LAMA3: variants seen among roughly 807,000 people sequenced by gnomAD.
LAMA3 encodes laminin subunit alpha 3.
LAMA3 carries 281 observed loss-of-function variants against 402.0 expected under a neutral mutation model. The ratio of observed to expected loss-of-function variants is 0.70; its 90% CI spans 0.63 to 0.77. The LOEUF is 0.77. Ranked by LOEUF, LAMA3 falls within the 30% of genes least tolerant of loss-of-function variation. The probability of loss-of-function intolerance (pLI) is 0.00; values close to 1 mark genes in which losing one functional copy is unlikely to be tolerated. For missense variants in LAMA3, 3,840 were observed against 4,215.5 expected, an observed-to-expected ratio of 0.91 and a Z score of 2.47; for synonymous variants, 1,431 against 1,558.4, an observed-to-expected ratio of 0.92 and a Z score of 1.93.
At chr18:23,930,349 G>A (rs1208243493) in intron 64 of LAMA3, among the ~76,000 whole-genome samples, 1 of 152,162 alleles carries the variant, frequency 6.6e-6, no homozygotes, top group Non-Finnish European at 1.5e-5. Context: ...AGAAATCATT[G>A]TAATATTCTT....
intron 23 of LAMA3, 43 bp downstream of exon 23, chr18:23,827,510 C>T (rs766327260): frequency 6.2e-7 from 1 of 1,601,072 alleles, no homozygotes; most frequent in Non-Finnish European, 8.5e-7. Context: ...TTACTACCTC[C>T]CCATCTGTAT....
In LAMA3 at chr18:23,912,863, G is replaced by A; in HGVS notation, c.7311G>A (p.Met2437Ile). ...ENGGTENMFV[M>I]YLGNKDASRD... ...GGGGTACTGAGAATATGTTTGTGAT[G>A]TACCTTGGAAATAAAGATGTAAGTA... is the stretch of plus-strand genomic sequence containing the variant. The change falls in exon 56 of 75, where the codon ATG becomes ATA. Residue 2437 changes from methionine (M) to isoleucine (I), a missense_variant. Met to Ile is a conservative substitution (Grantham distance 10). Coordinates refer to ENST00000313654, the MANE Select transcript of LAMA3 (RefSeq NM_198129.4). 6.2e-7 allele frequency: 1 copy of A among 1,613,890 alleles called. No individual in the cohort carries two copies. Among genetic ancestry groups the A allele is most frequent in the Non-Finnish European group, 8.5e-7 (1 of 1,179,816 alleles).
At chr18:23,702,810 C>T (rs1357481587) in intron 1 of LAMA3, among the ~76,000 whole-genome samples, 1 of 152,198 alleles carries the variant, frequency 6.6e-6, no homozygotes. Context: ...CTCTTGTCTT[C>T]CCTTCTCCAG....
At chr18:23,787,448 C>T (rs938589782) in intron 12 of LAMA3, among the ~76,000 whole-genome samples, 1 of 152,110 alleles carries the variant, frequency 6.6e-6, no homozygotes, top group Non-Finnish European at 1.5e-5. Flanking sequence ...GCCATCTATA[C>T]AGCTAAGAAG....
At chr18:23,775,667 G>C in intron 9 of LAMA3, 125 bp from the exon 10 acceptor site, 2 of 1,060,368 alleles carry the variant, frequency 1.9e-6, no homozygotes, top group South Asian at 2.7e-5. Context: ...AATAGGCTGT[G>C]CCCTTTCAAG....
At chr18:23,870,421 C>A (rs2064484372) in intron 37 of LAMA3, among the ~76,000 whole-genome samples, 1 of 152,170 alleles carries the variant, frequency 6.6e-6, no homozygotes, top group African/African-American at 2.4e-5. Flanking sequence ...TGTGGAAACA[C>A]TGTGGAAATA....
chr18:23,902,975 T>C (rs2081123600), intron 48 of LAMA3, 34 bp from the exon 49 acceptor site: 1 of 1,268,958 alleles, frequency 7.9e-7, no homozygotes, highest in South Asian at 1.2e-5. Context: ...TAATATATCA[T>C]AGAGCTCAAG....
chr18:23,886,625 GA>G (rs531862817), intron 41 of LAMA3, among the ~76,000 whole-genome samples: 52 of 145,904 alleles, frequency 3.6e-4, no homozygotes, highest in Non-Finnish European at 5.6e-4. Flanking sequence ...CTGGGCAACA[GA>G]AAAAAAAAAG....
At chr18:23,805,308 A>C (rs932857561) in intron 12 of LAMA3, among the ~76,000 whole-genome samples, 6 of 152,192 alleles carry the variant, frequency 3.9e-5, no homozygotes, top group Non-Finnish European at 8.8e-5. Context: ...GGCCAAATAG[A>C]TGAATCGAAT....
At position 23,846,169 on chromosome 18, in the gene LAMA3, C is replaced by T. The variant is rs978839363; in HGVS notation, c.3720-128C>T. 6 of 966,858 alleles carry T rather than the reference C, an allele frequency of 6.2e-6. No individual in the cohort carries two copies. The African/African-American group carries it at 8.0e-5, about 13-fold the overall frequency. The allele number at this position is 966,858 out of a possible 1,614,324, so 59.9% of individuals were successfully genotyped here. A position where few individuals can be genotyped will look rare whatever the true frequency, so the allele number is the denominator to read the frequency against. On this transcript the variant is annotated intron_variant, in intron 30 of 74. Transcript: ENST00000313654. ...CTGAGGTGGGGTATTTCCCACTCTT[C>T]CCTGACTCCAGAACCATGAGCCCGT...
intron 1 of LAMA3, among the ~76,000 whole-genome samples, chr18:23,699,223 A>G (rs139096886): frequency 6.6e-6 from 1 of 152,346 alleles, no homozygotes; most frequent in East Asian, 1.9e-4. Context: ...AGAAAGCCAC[A>G]TGACTGTTGT....
Position 23,882,352 on chromosome 18 carries a change from G to A in LAMA3, c.5222+307G>A, listed in dbSNP as rs569877244. ...ATACAAGAAAACAAATGAATAGGCC[G>A]GGTGTGGTGGCTCATGCCTGTAATC... On this transcript the variant is annotated intron_variant, in intron 40 of 74. Transcript: ENST00000313654. 9.2e-5 allele frequency among the ~76,000 whole-genome samples: 14 copies of A among 152,054 alleles called. No individual in the cohort carries two copies. The South Asian group carries it at 2.1e-3, about 23-fold the overall frequency.
intron 38 of LAMA3, chr18:23,873,251 A>G: frequency 6.5e-7 from 1 of 1,547,606 alleles, no homozygotes; most frequent in Non-Finnish European, 8.9e-7. Flanking sequence ...GTGATAGGGA[A>G]GAGTTTCCAG....
At chr18:23,801,683 T>C (rs2062868597) in intron 12 of LAMA3, among the ~76,000 whole-genome samples, 2 of 152,250 alleles carry the variant, frequency 1.3e-5, no homozygotes, top group South Asian at 4.1e-4. Flanking sequence ...TAGTTTCCTT[T>C]TCTTCACATC....
chr18:23,939,059 G>T lies in LAMA3; in HGVS notation c.8863-164G>T, dbSNP rs546499242. Among the ~76,000 whole-genome samples the T allele has an allele frequency of 3.3e-5, 5 of 152,290 alleles. No individual in the cohort carries two copies. The South Asian group carries it at 8.3e-4, about 25-fold the overall frequency. On this transcript the variant is annotated intron_variant, in intron 67 of 74. Transcript: ENST00000313654. The stretch of plus-strand genomic sequence containing the variant: ...CTCCATACCAGTCAGTGACCCGCAG[G>T]AAGGGCTCTCAGCGGAAACTTCCCA...
intron 35 of LAMA3, 32 bp from the exon 36 acceptor site, chr18:23,864,753 T>G: frequency 7.5e-7 from 1 of 1,334,426 alleles, no homozygotes; most frequent in Non-Finnish European, 1.1e-6. Context: ...CTTTTAATGC[T>G]TGTGCTATTG....
At chr18:23,826,912 G>A (rs911262990) in intron 22 of LAMA3, 113 bp downstream of exon 22, 8 of 708,380 alleles carry the variant, frequency 1.1e-5, no homozygotes, top group Admixed American at 1.1e-4. Context: ...TGATGCTCTG[G>A]ATAATTAGTT....
chr18:23,871,686 A>G, intron 38 of LAMA3, 25 bp downstream of exon 38: 1 of 1,561,538 alleles, frequency 6.4e-7, no homozygotes, highest in Non-Finnish European at 8.7e-7. Flanking sequence ...CATCCGCAAC[A>G]TTTCCCTAGG....
chr18:23,924,555 T>C (rs1198382483), intron 62 of LAMA3, among the ~76,000 whole-genome samples: 1 of 148,968 alleles, frequency 6.7e-6, no homozygotes, highest in Non-Finnish European at 1.5e-5. Context: ...TTTTTTTTTT[T>C]TTTTTTGAGA....
Sources: allele counts gnomAD v4.1 joint callset (sites outside exome capture counted in the v4.1 genomes callset), GRCh38; gene constraint gnomAD v4.1.1; transcripts MANE v1.5; gene names NCBI Gene and HGNC (gene_info 2026-07-23, HGNC 2026-07-21).